Variants in HYDIN observed in about 807,000 individuals in gnomAD.
HYDIN encodes the protein HYDIN axonemal central pair apparatus protein, also known as axonemal central pair apparatus protein HYDIN.
A neutral mutation model predicts 403.9 loss-of-function variants in HYDIN; 132 were observed. That is an observed-to-expected ratio of 0.33 (90% confidence interval 0.28 to 0.38). The LOEUF (loss-of-function observed/expected upper bound fraction) is 0.38, where lower values mean the gene tolerates loss of function less well. HYDIN is among the 10% of genes least tolerant of loss of function. The probability of loss-of-function intolerance (pLI) is 1.00; values close to 1 mark genes in which losing one functional copy is unlikely to be tolerated. For synonymous variants in HYDIN, 1,202 were observed against 1,891.7 expected, an observed-to-expected ratio of 0.64 and a Z score of 9.46; for missense variants, 2,827 against 5,009.5, an observed-to-expected ratio of 0.56 and a Z score of 13.15.
chr16:71,046,916 G>C (rs2081469329), intron 18 of HYDIN, among the ~76,000 whole-genome samples: 1 of 152,040 alleles, frequency 6.6e-6, no homozygotes, highest in African/African-American at 2.4e-5. Flanking sequence ...TCTTAAAAGG[G>C]ACATAAATCG....
At chr16:71,169,585 C>T (rs193106039) in intron 5 of HYDIN, among the ~76,000 whole-genome samples, 8 of 152,234 alleles carry the variant, frequency 5.3e-5, no homozygotes, top group Non-Finnish European at 8.8e-5. Context: ...ACAAATACTA[C>T]GTGATCTGAC....
At chr16:70,977,868 C>A (rs375502706) in intron 30 of HYDIN, among the ~76,000 whole-genome samples, 29 of 152,008 alleles carry the variant, frequency 1.9e-4, no homozygotes, top group African/African-American at 7.0e-4. Flanking sequence ...CCCTCTCCCC[C>A]ACTCAGATGC....
chr16:70,882,629 G>A (rs762170639), intron 60 of HYDIN, 31 bp downstream of exon 60: 8 of 1,540,658 alleles, frequency 5.2e-6, no homozygotes, highest in East Asian at 4.5e-5. Flanking sequence ...TGTGAACCAC[G>A]CTGGGCCAGG....
chr16:70,863,033 T>G, intron 68 of HYDIN, 52 bp downstream of exon 68: 3 of 1,541,532 alleles, frequency 1.9e-6, no homozygotes, highest in Non-Finnish European at 2.7e-6. Context: ...ACAAGGCTCT[T>G]CTAATTGGTG....
At chr16:71,106,482 C>G (rs1240134218) in intron 10 of HYDIN, among the ~76,000 whole-genome samples, 1 of 152,112 alleles carries the variant, frequency 6.6e-6, no homozygotes, top group Non-Finnish European at 1.5e-5. Flanking sequence ...GTGTCAGTTT[C>G]CTCCACTGAA....
intron 18 of HYDIN, among the ~76,000 whole-genome samples, chr16:71,043,780 T>C (rs1037174139): frequency 2.7e-4 from 41 of 152,074 alleles, no homozygotes; most frequent in Non-Finnish European, 5.3e-4. Flanking sequence ...CCTGGTTAAG[T>C]ATTTATGTTT....
chr16:71,175,671 C>A lies in HYDIN; in HGVS notation c.452G>T (p.Gly151Val), dbSNP rs774072169. The change falls in exon 5 of 86, where the codon GGC becomes GTC. Residue 151 changes from glycine to valine, a missense_variant. By Grantham distance (109) the Gly-to-Val change is moderately radical. Transcript: ENST00000393567. The stretch of plus-strand genomic sequence containing the variant: ...AGGCACTCCAGGAGCCACTTTGTGG[C>A]CAATATCTTTGGGGCTGATTACTTT... ...YFKVISPKDI[G>V]HKVAPGVPSI... 1.9e-6 allele frequency: 3 copies of A among 1,614,058 alleles called. No individual in the cohort carries two copies. Among genetic ancestry groups the A allele is most frequent in the Admixed American group, 3.3e-5 (2 of 60,032 alleles).
Position 70,850,630 on chromosome 16 carries a change from G to C in HYDIN, c.12469C>G (p.Pro4157Ala), listed in dbSNP as rs537972932. Residue 4157 changes from proline (P) to alanine (A), a missense_variant, in exon 74 of 86, where the codon CCA becomes GCA. Transcript: ENST00000393567. Reference protein sequence around the residue: ...SRFPIDIFFTPKQEGDVNFNL... With the variant: ...SRFPIDIFFTAKQEGDVNFNL... ...AAGTTCACATCTCCTTCCTGCTTTG[G>C]TGTGAAGAAAATATCAATTGGGAAC... 1 of 1,613,822 alleles carries C rather than the reference G, an allele frequency of 6.2e-7. No individual in the cohort carries two copies. The highest frequency in any genetic ancestry group is 8.5e-7 in the Non-Finnish European group (1 of 1,179,924).
At chr16:71,009,100 T>G (rs1431805855) in intron 23 of HYDIN, among the ~76,000 whole-genome samples, 5 of 148,312 alleles carry the variant, frequency 3.4e-5, no homozygotes, top group Admixed American at 2.8e-4. Context: ...GGACACAGGA[T>G]TCAACCAGTG....
intron 43 of HYDIN, among the ~76,000 whole-genome samples, chr16:70,940,490 G>C (rs977609698): frequency 6.6e-6 from 1 of 151,752 alleles, no homozygotes; most frequent in African/African-American, 2.4e-5. Flanking sequence ...ATAATAGTGT[G>C]ACCGTATACC....
At chr16:71,215,987 T>A (rs931262233) in intron 1 of HYDIN, among the ~76,000 whole-genome samples, 1 of 152,198 alleles carries the variant, frequency 6.6e-6, no homozygotes, top group African/African-American at 2.4e-5. Flanking sequence ...TTGGCTCCTC[T>A]GTGTTGTAAT....
chr16:70,890,541 A>G lies in HYDIN; in HGVS notation c.9657-837T>C, dbSNP rs545970448. Among the ~76,000 whole-genome samples the G allele has an allele frequency of 2.6e-5, 4 of 152,366 alleles. No individual in the cohort carries two copies. In the East Asian group the frequency reaches 7.7e-4, roughly 29 times the overall value. On this transcript the variant is annotated intron_variant, in intron 57 of 85. Transcript: ENST00000393567. ...AAATTTTGTCAAAACAGAAAAGAAT[A>G]GCTACAGAAATATAAAACAACTACA...
chr16:70,807,392 TA>T lies in HYDIN; in HGVS notation c.*187del. 1.6e-6 allele frequency: 1 copy of T among 623,686 alleles called. No individual in the cohort carries two copies. Among genetic ancestry groups the T allele is most frequent in the Non-Finnish European group, 2.7e-6 (1 of 373,980 alleles). 38.6% of individuals were successfully genotyped at this position (623,686 alleles called of 1,614,324 possible). On this transcript the variant is annotated 3_prime_UTR_variant, in exon 86 of 86. Coordinates refer to ENST00000393567, the MANE Select transcript of HYDIN (RefSeq NM_001270974.2). ...AAAATATAGAGCTGTTGTGTGTAGT[TA>T]TAATGTTTAATATGGAATAGATATT...
intron 1 of HYDIN, among the ~76,000 whole-genome samples, chr16:71,221,929 A>T (rs146650808): frequency 3.7e-4 from 57 of 152,350 alleles, no homozygotes; most frequent in African/African-American, 1.4e-3. Flanking sequence ...TTTTGGCCAA[A>T]GGTGGCCAAC....
intron 69 of HYDIN, 23 bp downstream of exon 69, chr16:70,862,025 T>C (rs1479783949): frequency 3.6e-5 from 56 of 1,539,608 alleles, no homozygotes; most frequent in Non-Finnish European, 4.7e-5. Flanking sequence ...AAGAAGGGTG[T>C]TGTGGCGAGC....
chr16:71,063,811 T>C (rs1376143300), intron 16 of HYDIN, among the ~76,000 whole-genome samples: 2 of 152,132 alleles, frequency 1.3e-5, no homozygotes, highest in Non-Finnish European at 2.9e-5. Flanking sequence ...GATTGCCATT[T>C]TGGTTACTGC....
At chr16:70,995,561 T>C (rs2079505158) in intron 23 of HYDIN, among the ~76,000 whole-genome samples, 1 of 152,196 alleles carries the variant, frequency 6.6e-6, no homozygotes, top group African/African-American at 2.4e-5. Flanking sequence ...ACCATACTTC[T>C]TTCCTGTCCT....
At chr16:70,930,627 A>G (rs1774382) in intron 45 of HYDIN, among the ~76,000 whole-genome samples, 1 of 152,188 alleles carries the variant, frequency 6.6e-6, no homozygotes, top group Admixed American at 6.5e-5. Context: ...CATTTTCTGT[A>G]TAAGCAGCCT....
At chr16:71,124,590 T>C (rs1419156614) in intron 9 of HYDIN, among the ~76,000 whole-genome samples, 1 of 151,040 alleles carries the variant, frequency 6.6e-6, no homozygotes, top group Non-Finnish European at 1.5e-5. Flanking sequence ...GATAGATAGA[T>C]ATAGGTCTGA....
Sources: gnomAD v4.1 joint callset for allele counts (sites outside exome capture counted in the v4.1 genomes callset) on GRCh38, gnomAD v4.1.1 for gene constraint, MANE v1.5 for transcripts, NCBI Gene and HGNC (gene_info 2026-07-23, HGNC 2026-07-21) for gene names.